Variants in ATP13A5 observed in about 807,000 individuals in gnomAD.
ATP13A5 encodes ATPase 13A5.
Under a neutral mutation model 150.2 loss-of-function variants are expected in ATP13A5, and 149 were observed. The ratio of observed to expected loss-of-function variants is 0.99; its 90% CI spans 0.87 to 1.14. ATP13A5 has a LOEUF of 1.14. Among genes scored for constraint, ATP13A5 ranks in the 50% most tolerant of loss-of-function variants. The pLI, the probability that ATP13A5 is intolerant of heterozygous loss-of-function variation, is 0.00. For synonymous variants in ATP13A5, 497 were observed against 522.2 expected, an observed-to-expected ratio of 0.95 and a Z score of 0.66; for missense variants, 1,383 against 1,449.3, an observed-to-expected ratio of 0.95 and a Z score of 0.74.
At chr3:193,375,015 C>A (rs1253093708) in intron 1 of ATP13A5, among the ~76,000 whole-genome samples, 6 of 152,154 alleles carry the variant, frequency 3.9e-5, no homozygotes, top group Non-Finnish European at 5.9e-5. Context: ...GCCTCCAGAA[C>A]AATAATAAAT....
At chr3:193,365,733 A>C (rs1223411104) in intron 1 of ATP13A5, among the ~76,000 whole-genome samples, 3 of 152,104 alleles carry the variant, frequency 2.0e-5, no homozygotes, top group African/African-American at 7.2e-5. Context: ...CTCATTCATA[A>C]ATAACTTTCT....
At position 193,362,554 on chromosome 3, in the gene ATP13A5, ACATTG is replaced by A. The variant is rs746711889; in HGVS notation, c.455+8_455+12del. 6.4e-5 allele frequency: 103 copies of A among 1,614,090 alleles called. No homozygotes were observed. The African/African-American group carries it at 1.3e-3, about 20-fold the overall frequency. Reference sequence around the variant, plus strand: ...TATATCCTGACCAAGGGGTGACAAAACATTGTACTTACCCAACTTTCTGAAACCGC... The same window carrying A: ...TATATCCTGACCAAGGGGTGACAAAATACTTACCCAACTTTCTGAAACCGC... On this transcript the variant is annotated splice_region_variant and intron_variant, in intron 4 of 29. Coordinates refer to ENST00000342358, the MANE Select transcript of ATP13A5 (RefSeq NM_198505.4).
intron 1 of ATP13A5, among the ~76,000 whole-genome samples, chr3:193,376,888 C>T (rs1713663707): frequency 6.6e-6 from 1 of 152,222 alleles, no homozygotes. Flanking sequence ...GGATTTGCAT[C>T]TGTGCTCTAC....
intron 23 of ATP13A5, among the ~76,000 whole-genome samples, chr3:193,304,736 G>A (rs957347373): frequency 1.3e-5 from 2 of 152,104 alleles, no homozygotes; most frequent in African/African-American, 4.8e-5. Flanking sequence ...GTCTGTTAAT[G>A]GCTTCCTGTA....
intron 26 of ATP13A5, among the ~76,000 whole-genome samples, chr3:193,289,466 A>G (rs1345041915): frequency 6.6e-6 from 1 of 152,164 alleles, no homozygotes; most frequent in Non-Finnish European, 1.5e-5. Context: ...ATGTTTTATT[A>G]GAATACAGCC....
chr3:193,368,131 T>C (rs1390833595), intron 1 of ATP13A5, among the ~76,000 whole-genome samples: 1 of 152,176 alleles, frequency 6.6e-6, no homozygotes, highest in African/African-American at 2.4e-5. Flanking sequence ...TTCAGATTGC[T>C]GGATACCAGG....
intron 3 of ATP13A5, 60 bp downstream of exon 3, chr3:193,363,176 A>T (rs1364917103): frequency 1.3e-6 from 2 of 1,526,474 alleles, no homozygotes; most frequent in Admixed American, 2.0e-5. Context: ...CATTTAATAA[A>T]CAGTTATTTT....
At chr3:193,358,224 G>A (rs1031501120) in intron 5 of ATP13A5, among the ~76,000 whole-genome samples, 2 of 152,180 alleles carry the variant, frequency 1.3e-5, no homozygotes, top group African/African-American at 4.8e-5. Flanking sequence ...GGAGATTCTG[G>A]CATAACCCAC....
intron 1 of ATP13A5, among the ~76,000 whole-genome samples, chr3:193,368,422 G>GTGTGTGTGTGTGT (rs10686496): frequency 4.6e-5 from 7 of 150,840 alleles, no homozygotes; most frequent in Non-Finnish European, 7.4e-5. Flanking sequence ...GTGTGTGTGT[G>GTGTGTGTGTGTGT]GTAATTGACA....
intron 11 of ATP13A5, among the ~76,000 whole-genome samples, chr3:193,333,009 G>A (rs897334897): frequency 1.2e-4 from 18 of 152,066 alleles, no homozygotes; most frequent in African/African-American, 4.1e-4. Flanking sequence ...TCTTGACCCA[G>A]AAATGCTCCC....
chr3:193,278,125 A>G (rs1335133289), intron 28 of ATP13A5, among the ~76,000 whole-genome samples: 1 of 152,144 alleles, frequency 6.6e-6, no homozygotes, highest in East Asian at 1.9e-4. Context: ...TATTTATGCA[A>G]TGGTCTTCTC....
At chr3:193,340,263 A>G (rs1331927092) in intron 9 of ATP13A5, among the ~76,000 whole-genome samples, 1 of 152,224 alleles carries the variant, frequency 6.6e-6, no homozygotes, top group Non-Finnish European at 1.5e-5. Flanking sequence ...TTCTAGAACC[A>G]TTAGACTGTA....
intron 19 of ATP13A5, chr3:193,313,266 G>C (rs982174574): frequency 1.3e-5 from 2 of 152,196 alleles, no homozygotes; most frequent in Admixed American, 6.5e-5. Context: ...TAGCTGTGCA[G>C]TTTGTGTGCT....
chr3:193,368,422 G>GTGTGT (rs10686496), intron 1 of ATP13A5, among the ~76,000 whole-genome samples: 1 of 150,974 alleles, frequency 6.6e-6, no homozygotes, highest in Non-Finnish European at 1.5e-5. Flanking sequence ...GTGTGTGTGT[G>GTGTGT]GTAATTGACA....
chr3:193,291,214 C>T (rs1717940534), intron 25 of ATP13A5, among the ~76,000 whole-genome samples: 2 of 151,688 alleles, frequency 1.3e-5, no homozygotes, highest in South Asian at 2.1e-4. Flanking sequence ...CTCTTTTATT[C>T]TAAAGCTCTA....
chr3:193,377,388 G>A (rs1048000047), intron 1 of ATP13A5, among the ~76,000 whole-genome samples: 1 of 152,182 alleles, frequency 6.6e-6, no homozygotes, highest in Non-Finnish European at 1.5e-5. Context: ...GTAAAGAGAA[G>A]CAGGTGAAAT....
rs1711790615 is a variant in ATP13A5 at position 193,334,922 on chromosome 3, C to T, written c.1114+7G>A. On this transcript the variant is annotated splice_region_variant and intron_variant, in intron 10 of 29. Coordinates refer to ENST00000342358, the MANE Select transcript of ATP13A5 (RefSeq NM_198505.4). ...GAATTAAACTTACAAAAGTGGAATC[C>T]ACTAACCTGTTTGCAAAACGACTGC... 6.2e-7 allele frequency: 1 copy of T among 1,611,178 alleles called. No individual in the cohort carries two copies. Among genetic ancestry groups the T allele is most frequent in the Non-Finnish European group, 8.5e-7 (1 of 1,178,250 alleles).
At chr3:193,310,099 C>T (rs1718784557) in intron 21 of ATP13A5, among the ~76,000 whole-genome samples, 1 of 152,150 alleles carries the variant, frequency 6.6e-6, no homozygotes, top group South Asian at 2.1e-4. Flanking sequence ...TTAGCTTCCA[C>T]TTGTAAGTGA....
intron 14 of ATP13A5, 61 bp from the exon 15 acceptor site, chr3:193,322,635 CTCT>C: frequency 8.5e-7 from 1 of 1,182,064 alleles, no homozygotes; most frequent in East Asian, 2.5e-5. Flanking sequence ...AAAGAAATAT[CTCT>C]TATTTGCACA....
Sources: gnomAD v4.1 joint callset for allele counts (sites outside exome capture counted in the v4.1 genomes callset) on GRCh38, gnomAD v4.1.1 for gene constraint, MANE v1.5 for transcripts, NCBI Gene and HGNC (gene_info 2026-07-23, HGNC 2026-07-21) for gene names.